UNC80: variants seen among roughly 807,000 people sequenced by gnomAD.
UNC80 encodes the protein protein unc-80 homolog.
Under a neutral mutation model 384.6 loss-of-function variants are expected in UNC80, and 164 were observed. The observed-to-expected ratio is 0.43, with a 90% confidence interval of 0.38 to 0.49. The LOEUF is 0.49. Ranked by LOEUF, UNC80 falls within the 20% of genes least tolerant of loss-of-function variation. UNC80 has a pLI of 0.00. For synonymous variants in UNC80, 1,486 were observed against 1,527.8 expected (o/e 0.97, Z 0.64); for missense variants, 3,330 against 4,143.0 (o/e 0.80, Z 5.39).
rs1043508510 is a variant in UNC80 at position 209,771,980 on chromosome 2, G to A, written c.-93G>A. ...CCGGCTCTGCCTCGGGGAAGGAGGG[G>A]ATGAGAGTTGGGAGCAGCGGGAGGA... is the stretch of plus-strand genomic sequence containing the variant. On this transcript the variant is annotated 5_prime_UTR_variant, in exon 1 of 65. Coordinates refer to ENST00000673920, the MANE Select transcript of UNC80 (RefSeq NM_001371986.1). The A allele has an allele frequency of 2.2e-6, 2 of 896,892 alleles. No homozygotes were observed. Among genetic ancestry groups the A allele is most frequent in the Middle Eastern group, 2.9e-4 (1 of 3,440 alleles). 55.6% of individuals were successfully genotyped at this position (896,892 alleles called of 1,614,324 possible).
chr2:209,974,293 C>G (rs1390680659), intron 56 of UNC80, among the ~76,000 whole-genome samples: 4 of 152,116 alleles, frequency 2.6e-5, no homozygotes, highest in African/African-American at 9.7e-5. Flanking sequence ...GAGAAAAAGA[C>G]ACAAGGAATG....
intron 61 of UNC80, 60 bp from the exon 62 acceptor site, chr2:209,992,106 A>G: frequency 1.4e-6 from 2 of 1,418,284 alleles, no homozygotes; most frequent in Non-Finnish European, 9.7e-7. Context: ...GCTAACACCC[A>G]CCAGAGGACA....
intron 7 of UNC80, among the ~76,000 whole-genome samples, chr2:209,800,033 T>G (rs936057833): frequency 1.3e-5 from 2 of 152,210 alleles, no homozygotes; most frequent in Non-Finnish European, 2.9e-5. Flanking sequence ...GAAATTTTTT[T>G]TGTTGTGTCT....
intron 13 of UNC80, among the ~76,000 whole-genome samples, chr2:209,821,966 A>G (rs997808647): frequency 6.6e-6 from 1 of 152,152 alleles, no homozygotes; most frequent in Non-Finnish European, 1.5e-5. Context: ...ACATGTTATC[A>G]TATTTTCACA....
Position 209,973,074 on chromosome 2 carries a change from G to A in UNC80, c.8391G>A (p.Trp2797Ter). 6.4e-7 allele frequency: 1 copy of A among 1,551,492 alleles called. No individual in the cohort carries two copies. Among genetic ancestry groups the A allele is most frequent in the Non-Finnish European group, 8.7e-7 (1 of 1,146,982 alleles). The change falls in exon 56 of 65, where the codon TGG (tryptophan) becomes TGA (stop). Residue 2797 changes from tryptophan (W) to a stop codon, truncating the protein, a stop_gained. Coordinates refer to ENST00000673920, the MANE Select transcript of UNC80 (RefSeq NM_001371986.1). LOFTEE classifies it high-confidence loss of function. ...AATTCTGCCCCTCAGATAGCCCATG[G>A]CTGGAGCAGCCTGAGGTGCAGCTGC... ...TVGSGSKDSP[W>*]LEQPEVQLLL...
chr2:209,876,173 T>C (rs377011572), intron 23 of UNC80, among the ~76,000 whole-genome samples: 2 of 152,300 alleles, frequency 1.3e-5, no homozygotes, highest in East Asian at 1.9e-4. Flanking sequence ...AACACAGACA[T>C]AGACAGTCAG....
chr2:209,868,816 T>C (rs1240677503), intron 22 of UNC80, among the ~76,000 whole-genome samples: 5 of 152,192 alleles, frequency 3.3e-5, no homozygotes, highest in Non-Finnish European at 7.4e-5. Flanking sequence ...GACCTTCGAA[T>C]TTAGAAATTT....
At position 209,982,194 on chromosome 2, in the gene UNC80, T is replaced by C. The variant is rs1575217520; in HGVS notation, c.9134T>C (p.Met3045Thr). 6.4e-7 allele frequency: 1 copy of C among 1,551,564 alleles called. No homozygotes were observed. Among genetic ancestry groups the C allele is most frequent in the Non-Finnish European group, 8.7e-7 (1 of 1,146,904 alleles). Reference protein sequence around the residue: ...EEDEENDSISMPSVVSEQEAY... With the variant: ...EEDEENDSISTPSVVSEQEAY... ...CCCCTTTTAGATGACTCTATAAGCA[T>C]GCCCAGCGTGGTAAGTGAACAAGAA... The change falls in exon 60 of 65, where the codon ATG (methionine) becomes ACG (threonine). Residue 3045 changes from methionine to threonine, a missense_variant. This residue lies in a region of UNC80 where 216 missense variants were observed against 245.3 expected (regional missense o/e 0.88). Coordinates refer to ENST00000673920, the MANE Select transcript of UNC80 (RefSeq NM_001371986.1).
chr2:209,899,637 C>T (rs978292881), intron 28 of UNC80, among the ~76,000 whole-genome samples: 2 of 152,042 alleles, frequency 1.3e-5, no homozygotes, highest in Admixed American at 6.6e-5. Flanking sequence ...TCTAGCCTGT[C>T]CTTCCACACC....
At chr2:209,870,206 T>G (rs1473391890) in intron 22 of UNC80, among the ~76,000 whole-genome samples, 1 of 152,160 alleles carries the variant, frequency 6.6e-6, no homozygotes, top group Non-Finnish European at 1.5e-5. Context: ...CTTTCTGTCA[T>G]TAAGCTTTGA....
In UNC80 at chr2:209,973,234, G is replaced by T; in HGVS notation, c.8551G>T (p.Gly2851Trp). 6.4e-7 allele frequency: 1 copy of T among 1,551,682 alleles called. No homozygotes were observed. The highest frequency in any genetic ancestry group is 8.7e-7 in the Non-Finnish European group (1 of 1,146,988). ...GDAGKDLRRE[G>W]LAESTSQAAY... ...TGCGGGGAAAGACTTGCGCAGGGAA[G>T]GGCTGGCTGAGTCCACCAGCCAAGC... Residue 2851 changes from glycine (G) to tryptophan (W), a missense_variant, in exon 56 of 65, where the codon GGG becomes TGG. Gly to Trp is a radical substitution (Grantham distance 184). Coordinates refer to ENST00000673920, the MANE Select transcript of UNC80 (RefSeq NM_001371986.1).
intron 28 of UNC80, among the ~76,000 whole-genome samples, chr2:209,903,247 G>A (rs773425290): frequency 1.4e-5 from 2 of 139,832 alleles, no homozygotes; most frequent in Non-Finnish European, 3.0e-5. Flanking sequence ...TTGAATCCAC[G>A]GATACAGAAA....
chr2:209,891,897 T>C (rs2086368738), intron 26 of UNC80, among the ~76,000 whole-genome samples: 1 of 152,198 alleles, frequency 6.6e-6, no homozygotes, highest in African/African-American at 2.4e-5. Flanking sequence ...CATTTGGTTT[T>C]GTAAAACCTT....
chr2:209,877,859 T>C, intron 23 of UNC80, 95 bp from the exon 24 acceptor site: 1 of 1,312,792 alleles, frequency 7.6e-7, no homozygotes, highest in Non-Finnish European at 1.0e-6. Flanking sequence ...GAAATAATTC[T>C]CATTAATTGG....
intron 21 of UNC80, among the ~76,000 whole-genome samples, chr2:209,845,845 T>C (rs540980348): frequency 2.0e-5 from 3 of 152,310 alleles, no homozygotes; most frequent in Admixed American, 6.5e-5. Flanking sequence ...ACATTGTATT[T>C]TGCAACAACT....
rs2081176858 is a variant in UNC80, at chr2:209,833,996, A to G, written c.2776-6A>G. The stretch of plus-strand genomic sequence containing the variant: ...TTTCTCCAACTTCCTTCTTGCCTCC[A>G]AACAGGGACTGTATTGTGACATTCG... On this transcript the variant is annotated splice_region_variant and splice_polypyrimidine_tract_variant and intron_variant, in intron 16 of 64. Transcript: ENST00000673920. The G allele has an allele frequency of 1.9e-6, 3 of 1,550,012 alleles. No individual in the cohort carries two copies. The highest frequency in any genetic ancestry group is 1.4e-5 in the African/African-American group (1 of 72,984).
intron 59 of UNC80, among the ~76,000 whole-genome samples, chr2:209,979,339 A>G (rs1259674607): frequency 6.6e-6 from 1 of 152,222 alleles, no homozygotes; most frequent in Non-Finnish European, 1.5e-5. Context: ...AATTGTGGAT[A>G]ACTAACCAAG....
intron 26 of UNC80, among the ~76,000 whole-genome samples, chr2:209,890,895 T>A (rs148236998): frequency 9.0e-4 from 137 of 152,344 alleles, no homozygotes; most frequent in African/African-American, 3.1e-3. Flanking sequence ...AAGTTTTAAG[T>A]TGCCCTCTAG....
chr2:209,842,973 T>A (rs888444834), intron 21 of UNC80, among the ~76,000 whole-genome samples: 2 of 152,188 alleles, frequency 1.3e-5, no homozygotes, highest in African/African-American at 2.4e-5. Flanking sequence ...TGTACCAAGA[T>A]GCACACACAT....
Sources: gnomAD v4.1 joint callset for allele counts (sites outside exome capture counted in the v4.1 genomes callset) on GRCh38, gnomAD v4.1.1 for gene constraint, gnomAD v4.1.1 regional missense constraint, MANE v1.5 for transcripts, NCBI Gene and HGNC (gene_info 2026-07-23, HGNC 2026-07-21) for gene names.